MBOAT1: variants seen among roughly 807,000 people sequenced by gnomAD.
The protein encoded by MBOAT1 is membrane bound glycerophospholipid O-acyltransferase 1.
MBOAT1 carries 67 observed loss-of-function variants against 64.4 expected under a neutral mutation model. The ratio of observed to expected loss-of-function variants is 1.04; its 90% CI spans 0.85 to 1.27. The LOEUF (loss-of-function observed/expected upper bound fraction) is 1.27. Ranked by LOEUF, MBOAT1 falls within the 50% of genes most tolerant of loss-of-function variation. The pLI is 0.00. For synonymous variants in MBOAT1, 229 were observed against 218.9 expected, an observed-to-expected ratio of 1.05 and a Z score of -0.41; for missense variants, 563 against 604.6, an observed-to-expected ratio of 0.93 and a Z score of 0.72.
chr6:20,109,517 T>C (rs1760058054), intron 12 of MBOAT1, 81 bp downstream of exon 12: 5 of 1,522,278 alleles, frequency 3.3e-6, no homozygotes, highest in East Asian at 2.3e-5. Flanking sequence ...GACTGCTTCA[T>C]TCAATTTACT....
chr6:20,106,991 C>T (rs887216923), intron 12 of MBOAT1, among the ~76,000 whole-genome samples: 14 of 152,150 alleles, frequency 9.2e-5, no homozygotes, highest in African/African-American at 2.7e-4. Context: ...GTTGGTTAAA[C>T]ACAATATTAT....
intron 1 of MBOAT1, among the ~76,000 whole-genome samples, chr6:20,168,479 C>G (rs1311630295): frequency 8.6e-6 from 1 of 116,570 alleles, no homozygotes; most frequent in African/African-American, 3.9e-5. Context: ...GAGACAGAGA[C>G]AGAGACAGAG....
intron 3 of MBOAT1, among the ~76,000 whole-genome samples, chr6:20,148,077 G>T (rs558387007): frequency 5.3e-4 from 81 of 152,288 alleles, no homozygotes; most frequent in African/African-American, 1.5e-3. Flanking sequence ...GGAAACACAG[G>T]GGGTATCCCC....
At chr6:20,182,886 G>A (rs1762549208) in intron 1 of MBOAT1, among the ~76,000 whole-genome samples, 2 of 152,198 alleles carry the variant, frequency 1.3e-5, no homozygotes, top group South Asian at 4.1e-4. Context: ...AGGAGGGGGT[G>A]ACAATGGAAC....
At chr6:20,160,531 A>T (rs781218933) in intron 1 of MBOAT1, among the ~76,000 whole-genome samples, 1 of 152,220 alleles carries the variant, frequency 6.6e-6, no homozygotes, top group African/African-American at 2.4e-5. Flanking sequence ...ATATTTGCAA[A>T]TCATAAGGGG....
In MBOAT1 at chr6:20,148,797, C is replaced by A. The variant is rs2457326; in HGVS notation, c.323+2388G>T. Among the ~76,000 whole-genome samples the A allele has an allele frequency of 3.8e-3, 579 of 152,218 alleles. 6 individuals carry two copies. The highest frequency in any genetic ancestry group is 0.012 in the African/African-American group (507 of 41,544). On this transcript the variant is annotated intron_variant, in intron 3 of 12. Coordinates refer to ENST00000324607, the MANE Select transcript of MBOAT1 (RefSeq NM_001080480.3). ...TCCACTTCGGCAATATTGGCAGCCA[C>A]AAGAGCAAACCAAGAGGGGCATCAG... is the stretch of plus-strand genomic sequence containing the variant.
intron 3 of MBOAT1, among the ~76,000 whole-genome samples, chr6:20,145,611 T>C (rs1046438989): frequency 3.9e-5 from 6 of 152,248 alleles, no homozygotes; most frequent in South Asian, 2.1e-4. Context: ...GAACACAGCA[T>C]GCAAGGTGCT....
In MBOAT1 at chr6:20,128,552, A is replaced by G. The variant is rs1234019907; in HGVS notation, c.530+147T>C. 5 of 587,086 alleles carry G rather than the reference A, an allele frequency of 8.5e-6. No homozygotes were observed. The South Asian group carries it at 1.0e-4, about 12-fold the overall frequency. 36.4% of individuals were successfully genotyped at this position (587,086 alleles called of 1,614,324 possible). On this transcript the variant is annotated intron_variant, in intron 6 of 12. Coordinates refer to ENST00000324607, the MANE Select transcript of MBOAT1 (RefSeq NM_001080480.3). ...TTGTAAAAACCAAAGACTGGTAACA[A>G]TGCACATGTCCATCAATAGCAGATT...
chr6:20,123,919 G>C (rs1014940196), intron 8 of MBOAT1, among the ~76,000 whole-genome samples: 1 of 152,094 alleles, frequency 6.6e-6, no homozygotes, highest in Admixed American at 6.5e-5. Flanking sequence ...TTAGCTGGGT[G>C]TGGTGGCGGA....
intron 12 of MBOAT1, among the ~76,000 whole-genome samples, chr6:20,103,836 G>A (rs1419527536): frequency 1.3e-5 from 2 of 152,166 alleles, no homozygotes; most frequent in Admixed American, 6.5e-5. Flanking sequence ...ATTTATTATT[G>A]AGGAAAAGTT....
chr6:20,115,490 T>C (rs1465390178), intron 9 of MBOAT1, 138 bp from the exon 10 acceptor site: 2 of 685,652 alleles, frequency 2.9e-6, no homozygotes, highest in African/African-American at 3.6e-5. Flanking sequence ...AAGTCAGCTG[T>C]TCCATCCTAC....
rs184491612 is a variant in MBOAT1, at chr6:20,152,718, G to A, written c.151C>T (p.Arg51Cys). The A allele has an allele frequency of 3.7e-6, 6 of 1,612,350 alleles. No homozygotes were observed. The highest frequency in any genetic ancestry group is 4.5e-5 in the East Asian group (2 of 44,782). Reference sequence around the variant, plus strand: ...GTTGTACCAGGACGTAAGTAGATGCGAAACCAGAAAGCAGCAAACAGAGCA... The same window carrying A: ...GTTGTACCAGGACGTAAGTAGATGCAAAACCAGAAAGCAGCAAACAGAGCA... Reference protein sequence around the residue: ...LVALFAAFWFRIYLRPGTTSS... With the variant: ...LVALFAAFWFCIYLRPGTTSS... The change falls in exon 2 of 13, where the codon CGC (arginine) becomes TGC (cysteine). Residue 51 changes from arginine (R) to cysteine (C), a missense_variant. Arg to Cys is a radical substitution (Grantham distance 180). Coordinates refer to ENST00000324607, the MANE Select transcript of MBOAT1 (RefSeq NM_001080480.3).
At chr6:20,106,142 C>G (rs979952976) in intron 12 of MBOAT1, among the ~76,000 whole-genome samples, 1 of 152,212 alleles carries the variant, frequency 6.6e-6, no homozygotes, top group South Asian at 2.1e-4. Flanking sequence ...AGATCTGGAA[C>G]GCAACCAGGC....
At chr6:20,124,643 GGT>G in intron 7 of MBOAT1, 43 bp from the exon 8 acceptor site, 3 of 1,590,042 alleles carry the variant, frequency 1.9e-6, no homozygotes, top group Non-Finnish European at 2.6e-6. Context: ...AGAAGGCTCA[GGT>G]ATGAAGAAAA....
At chr6:20,127,827 A>C (rs1028876848) in intron 6 of MBOAT1, among the ~76,000 whole-genome samples, 2 of 151,980 alleles carry the variant, frequency 1.3e-5, no homozygotes, top group African/African-American at 4.8e-5. Context: ...CCATCCCCCC[A>C]CCACCACCCG....
At chr6:20,111,835 C>CATATATATATACATATAT in intron 11 of MBOAT1, among the ~76,000 whole-genome samples, 1 of 86,788 alleles carries the variant, frequency 1.2e-5, no homozygotes, top group Non-Finnish European at 2.4e-5. Flanking sequence ...CATATATATA[C>CATATATATATACATATAT]ACATATATAT....
intron 1 of MBOAT1, among the ~76,000 whole-genome samples, chr6:20,211,012 C>T (rs574924799): frequency 1.3e-5 from 2 of 152,248 alleles, no homozygotes; most frequent in African/African-American, 4.8e-5. Context: ...GCTTTGGCAC[C>T]GAAACCCTTC....
chr6:20,149,597 T>C (rs1283796699), intron 3 of MBOAT1, among the ~76,000 whole-genome samples: 4 of 152,100 alleles, frequency 2.6e-5, no homozygotes, highest in South Asian at 2.1e-4. Flanking sequence ...ATTAGAAAAA[T>C]GGATTTCCTA....
chr6:20,168,615 A>G (rs1299879538), intron 1 of MBOAT1, among the ~76,000 whole-genome samples: 2 of 27,658 alleles, frequency 7.2e-5, no homozygotes, highest in African/African-American at 1.5e-4. Context: ...AGAGAAGAGA[A>G]GAGAAGAGAA....
Sources: gnomAD v4.1 joint callset for allele counts (sites outside exome capture counted in the v4.1 genomes callset) on GRCh38, gnomAD v4.1.1 for gene constraint, MANE v1.5 for transcripts, NCBI Gene and HGNC (gene_info 2026-07-23, HGNC 2026-07-21) for gene names.